The following ANKRD31 variants were observed in gnomAD, a reference collection of about 807,000 sequenced individuals.
The protein encoded by ANKRD31 is ankyrin repeat domain-containing protein 31.
A neutral mutation model predicts 186.0 loss-of-function variants in ANKRD31; 147 were observed. That is an observed-to-expected ratio of 0.79 (90% CI 0.69 to 0.91). The LOEUF is 0.91. Ranked by LOEUF, ANKRD31 falls within the 40% of genes least tolerant of loss-of-function variation. The pLI, the probability that ANKRD31 is intolerant of heterozygous loss-of-function variation, is 0.00. For synonymous variants in ANKRD31, 673 were observed against 736.4 expected (o/e 0.91, Z 1.39); for missense variants, 1,986 against 2,148.8 (o/e 0.92, Z 1.50).
At chr5:75,131,779 C>A (rs757807348) in intron 17 of ANKRD31, among the ~76,000 whole-genome samples, 1 of 149,110 alleles carries the variant, frequency 6.7e-6, no homozygotes, top group Non-Finnish European at 1.5e-5. Flanking sequence ...CGACTGACAC[C>A]TCATACTGCC....
chr5:75,126,649 T>C (rs1404751616), intron 17 of ANKRD31, among the ~76,000 whole-genome samples: 2 of 152,180 alleles, frequency 1.3e-5, no homozygotes, highest in Non-Finnish European at 2.9e-5. Context: ...ATGTTTCAGG[T>C]AATAAAAATT....
rs1755446153 is a variant in ANKRD31, at chr5:75,196,034, A to G, written c.614T>C (p.Met205Thr). 7 of 1,535,708 alleles carry G rather than the reference A, an allele frequency of 4.6e-6. No individual in the cohort carries two copies. The highest frequency in any genetic ancestry group is 6.1e-6 in the Non-Finnish European group (7 of 1,146,360). Residue 205 changes from methionine to threonine, a missense_variant, in exon 7 of 26, where the codon ATG (methionine) becomes ACG (threonine). Transcript: ENST00000506364. Reference protein sequence around the residue: ...FEPRKEVTMTMTSEETKDEES... With the variant: ...FEPRKEVTMTTTSEETKDEES... ...TTCATCCTTAGTTTCTTCAGAAGTCATGGTCATTGTGACTTCCTTTCTAGG... is the reference window on the plus strand; with the variant it reads ...TTCATCCTTAGTTTCTTCAGAAGTCGTGGTCATTGTGACTTCCTTTCTAGG...
chr5:75,142,203 C>T (rs1751102010), intron 15 of ANKRD31, among the ~76,000 whole-genome samples: 1 of 152,154 alleles, frequency 6.6e-6, no homozygotes, highest in Non-Finnish European at 1.5e-5. Flanking sequence ...GTCTTGTTCA[C>T]TGTACTAGAC....
intron 10 of ANKRD31, among the ~76,000 whole-genome samples, chr5:75,180,258 T>A (rs537297626): frequency 6.6e-6 from 1 of 152,230 alleles, no homozygotes; most frequent in African/African-American, 2.4e-5. Context: ...GGAAGAACAT[T>A]CCATGCTCAT....
At position 75,146,692 on chromosome 5, in the gene ANKRD31, A is replaced by C. The variant is rs1204037485; in HGVS notation, c.2719T>G (p.Ser907Ala). 6.5e-7 allele frequency: 1 copy of C among 1,536,266 alleles called. No individual in the cohort carries two copies. Among genetic ancestry groups the C allele is most frequent in the Non-Finnish European group, 8.7e-7 (1 of 1,146,236 alleles). Residue 907 changes from serine (S) to alanine (A), a missense_variant, in exon 14 of 26, where the codon TCT (serine) becomes GCT (alanine). By Grantham distance (99) the Ser-to-Ala change is moderately conservative. Coordinates refer to ENST00000506364, the MANE Select transcript of ANKRD31 (RefSeq NM_001372053.1). The part of the protein sequence containing the change: ...NSDNDDDDDC[S>A]TSEKAITSKK... ...GATGTTATAGCCTTCTCAGAGGTAG[A>C]GCAATCATCATCATCATCATTATCA...
chr5:75,171,966 A>C (rs1418449341), intron 10 of ANKRD31, among the ~76,000 whole-genome samples: 1 of 151,936 alleles, frequency 6.6e-6, no homozygotes. Context: ...GGCATTATAA[A>C]AATATTATAC....
At chr5:75,150,164 C>T (rs576630629) in intron 12 of ANKRD31, among the ~76,000 whole-genome samples, 1 of 151,852 alleles carries the variant, frequency 6.6e-6, no homozygotes, top group East Asian at 1.9e-4. Flanking sequence ...ATATTATAAA[C>T]CCAAGTTTAC....
In ANKRD31 at chr5:75,116,636, CA is replaced by C; in HGVS notation, c.4084del (p.Cys1362ValfsTer35). 2.7e-6 allele frequency: 4 copies of C among 1,455,746 alleles called. No homozygotes were observed. The highest frequency in any genetic ancestry group is 1.5e-5 in the South Asian group (1 of 67,648). 90.2% of individuals were successfully genotyped at this position (1,455,746 alleles called of 1,614,324 possible). A position where few individuals can be genotyped will look rare whatever the true frequency, so the allele number is the denominator to read the frequency against. ...TGAGTCAATAGTTTTGCCATCATCA[CA>C]AAAACACTGTTTATGTCTTTTAGAC... ...VRSKRHKQCFCDDGKTIDSSS... is the reference protein window; with the variant it reads ...VRSKRHKQCFXDDGKTIDSSS... On this transcript the variant is annotated frameshift_variant, in exon 19 of 26. Coordinates refer to ENST00000506364, the MANE Select transcript of ANKRD31 (RefSeq NM_001372053.1). LOFTEE classifies it high-confidence loss of function.
intron 25 of ANKRD31, 97 bp downstream of exon 25, chr5:75,080,471 C>A: frequency 1.4e-6 from 1 of 718,250 alleles, no homozygotes; most frequent in South Asian, 2.4e-5. Flanking sequence ...GAGTGATATG[C>A]ATAATATTTG....
intron 12 of ANKRD31, among the ~76,000 whole-genome samples, chr5:75,151,456 C>T (rs1751834252): frequency 1.3e-5 from 2 of 151,974 alleles, no homozygotes; most frequent in African/African-American, 2.4e-5. Context: ...GTGAATAAGT[C>T]TCACAATATC....
intron 9 of ANKRD31, among the ~76,000 whole-genome samples, chr5:75,188,910 A>G (rs1342612144): frequency 1.3e-5 from 2 of 152,226 alleles, no homozygotes; most frequent in African/African-American, 2.4e-5. Flanking sequence ...CATGATAAAC[A>G]GTGTGTGTTG....
rs886453139 is a variant in ANKRD31, at chr5:75,146,355, T to C, written c.3056A>G (p.His1019Arg). Residue 1019 changes from histidine to arginine, a missense_variant, in exon 14 of 26, where the codon CAT (histidine) becomes CGT (arginine). Coordinates refer to ENST00000506364, the MANE Select transcript of ANKRD31 (RefSeq NM_001372053.1). ...ATGATTAGTCAACTTTGAAGCCTCA[T>C]GTGTCAAAAGTGTTCTCATACAAGC... ...SLACMRTLLT[H>R]EASKLTNHVE... The C allele has an allele frequency of 2.0e-6, 3 of 1,536,624 alleles. No individual in the cohort carries two copies. The highest frequency in any genetic ancestry group is 2.6e-6 in the Non-Finnish European group (3 of 1,146,502).
Position 75,147,042 on chromosome 5 carries a change from C to T in ANKRD31, c.2369G>A (p.Ser790Asn), listed in dbSNP as rs909472417. The change falls in exon 14 of 26, where the codon AGC becomes AAC. Residue 790 changes from serine (S) to asparagine (N), a missense_variant. Ser to Asn is a conservative substitution (Grantham distance 46). Transcript: ENST00000506364. ...LCEPSSLTLS[S>N]LRNGLDSSTE... is the part of the protein sequence containing the mutation. ...ACTGCTATCTAATCCATTTCTCAGG[C>T]TTGACAGAGTTAAGCTGGAAGGTTC... 6 of 1,536,220 alleles carry T rather than the reference C, an allele frequency of 3.9e-6. No homozygotes were observed. The African/African-American group carries it at 4.1e-5, about 11-fold the overall frequency.
rs140598679 is a variant in ANKRD31, at chr5:75,172,074, C to T, written c.1565-2953G>A. On this transcript the variant is annotated intron_variant, in intron 10 of 25. Coordinates refer to ENST00000506364, the MANE Select transcript of ANKRD31 (RefSeq NM_001372053.1). ...AGGATCCAGAAAAAAGCATTATCCC[C>T]CTCAAAAAAATCACAGACAAAAGAA... Among the ~76,000 whole-genome samples the T allele has an allele frequency of 3.3e-3, 501 of 151,564 alleles. 1 individual carries two copies. Among genetic ancestry groups the T allele is most frequent in the Non-Finnish European group, 5.7e-3 (383 of 67,772 alleles).
Position 75,190,480 on chromosome 5 carries a change from C to T in ANKRD31, c.1409-1832G>A, listed in dbSNP as rs113509544. Among the ~76,000 whole-genome samples the T allele has an allele frequency of 6.0e-3, 910 of 152,012 alleles. 2 individuals carry two copies. The highest frequency in any genetic ancestry group is 9.7e-3 in the Non-Finnish European group (656 of 67,978). On this transcript the variant is annotated intron_variant, in intron 9 of 25. Coordinates refer to ENST00000506364, the MANE Select transcript of ANKRD31 (RefSeq NM_001372053.1). Reference sequence around the variant, plus strand: ...TTTTTTGGAAAAATTGTGTGGTGAACTGGTATTATTTCCCCCTTATATATT... The same window carrying T: ...TTTTTTGGAAAAATTGTGTGGTGAATTGGTATTATTTCCCCCTTATATATT...
At position 75,147,411 on chromosome 5, in the gene ANKRD31, C is replaced by A; in HGVS notation, c.2000G>T (p.Ser667Ile). The change falls in exon 14 of 26, where the codon AGC (serine) becomes ATC (isoleucine). Residue 667 changes from serine (S) to isoleucine (I), a missense_variant. Ser to Ile is a moderately radical substitution (Grantham distance 142). Coordinates refer to ENST00000506364, the MANE Select transcript of ANKRD31 (RefSeq NM_001372053.1). ...KLEHVKVNKG[S>I]KASLFINKED... ...TTTATTTATAAATAAACTCGCTTTGCTTCCTTTATTGACTTTTACATGTTC... is the reference window on the plus strand; with the variant it reads ...TTTATTTATAAATAAACTCGCTTTGATTCCTTTATTGACTTTTACATGTTC... The A allele has an allele frequency of 6.6e-7, 1 of 1,521,774 alleles. No individual in the cohort carries two copies. Among genetic ancestry groups the A allele is most frequent in the Non-Finnish European group, 8.8e-7 (1 of 1,141,192 alleles). The allele number at this position is 1,521,774 out of a possible 1,614,324, so 94.3% of individuals were successfully genotyped here.
chr5:75,083,865 A>C (rs1745279778), intron 24 of ANKRD31, among the ~76,000 whole-genome samples: 1 of 152,260 alleles, frequency 6.6e-6, no homozygotes, highest in African/African-American at 2.4e-5. Context: ...GCTATGATGT[A>C]GATGATCCTC....
intron 1 of ANKRD31, among the ~76,000 whole-genome samples, chr5:75,231,616 C>A (rs116780154): frequency 6.6e-6 from 1 of 151,944 alleles, no homozygotes; most frequent in Non-Finnish European, 1.5e-5. Context: ...TCTGCAAAAA[C>A]GAAATACAAA....
At chr5:75,204,589 T>C (rs1055623917) in intron 5 of ANKRD31, among the ~76,000 whole-genome samples, 9 of 152,198 alleles carry the variant, frequency 5.9e-5, no homozygotes, top group African/African-American at 1.9e-4. Context: ...GGCAGGGCCA[T>C]CTAAGGCTTT....
Sources: allele counts gnomAD v4.1 joint callset (sites outside exome capture counted in the v4.1 genomes callset), GRCh38; gene constraint gnomAD v4.1.1; transcripts MANE v1.5; gene names NCBI Gene and HGNC (gene_info 2026-07-23, HGNC 2026-07-21).